Variants in ARB2A observed in about 807,000 individuals in gnomAD.
ARB2A encodes cotranscriptional regulator ARB2A.
At chr5:94,012,223 A>T in the ARB2A span, among the ~76,000 whole-genome samples, 1 of 152,096 alleles carries the variant, frequency 6.6e-6, no homozygotes, top group Admixed American at 6.6e-5. Context: ...TAACACGGTG[A>T]AACCCCGTCT....
chr5:93,639,604 G>A, the ARB2A span, among the ~76,000 whole-genome samples: 1 of 152,114 alleles, frequency 6.6e-6, no homozygotes, highest in Non-Finnish European at 1.5e-5. Flanking sequence ...ATATGTTATA[G>A]AAGTAGTAAA....
the ARB2A span, among the ~76,000 whole-genome samples, chr5:93,642,195 CTT>C: frequency 2.5e-4 from 35 of 137,706 alleles, no homozygotes; most frequent in Non-Finnish European, 2.2e-4. Flanking sequence ...GTTGCCTAGG[CTT>C]TTTTTTTTTT....
the ARB2A span, among the ~76,000 whole-genome samples, chr5:93,987,548 T>C: frequency 6.6e-6 from 1 of 152,186 alleles, no homozygotes; most frequent in African/African-American, 2.4e-5. Context: ...AAACCTCTTA[T>C]ACTTCATTCT....
At chr5:93,753,197 C>A in the ARB2A span, among the ~76,000 whole-genome samples, 2 of 152,192 alleles carry the variant, frequency 1.3e-5, no homozygotes, top group Non-Finnish European at 2.9e-5. Context: ...AACTTGTCTA[C>A]ACATTCTGAG....
At chr5:93,867,907 G>T in the ARB2A span, among the ~76,000 whole-genome samples, 1 of 151,622 alleles carries the variant, frequency 6.6e-6, no homozygotes, top group Admixed American at 6.6e-5. Context: ...ATATTACTGA[G>T]AATAAAATTA....
chr5:93,885,170 A>G, the ARB2A span, among the ~76,000 whole-genome samples: 1 of 151,610 alleles, frequency 6.6e-6, no homozygotes, highest in Non-Finnish European at 1.5e-5. Flanking sequence ...TAACTCAATC[A>G]GTACACAACA....
At chr5:93,794,915 C>A in the ARB2A span, among the ~76,000 whole-genome samples, 1 of 152,256 alleles carries the variant, frequency 6.6e-6, no homozygotes, top group Non-Finnish European at 1.5e-5. Flanking sequence ...CTTTCAAGAG[C>A]ACATCAGCTG....
the ARB2A span, among the ~76,000 whole-genome samples, chr5:94,105,485 A>G: frequency 4.0e-5 from 6 of 151,792 alleles, no homozygotes; most frequent in Non-Finnish European, 8.9e-5. Flanking sequence ...GAAATCGGAA[A>G]CAACACAAAT....
At chr5:93,901,807 T>TATAA in the ARB2A span, among the ~76,000 whole-genome samples, 1 of 152,150 alleles carries the variant, frequency 6.6e-6, no homozygotes, top group Non-Finnish European at 1.5e-5. Context: ...TTTACATTTC[T>TATAA]ATAAATAGGT....
the ARB2A span, chr5:93,741,138 G>A: frequency 2.5e-6 from 4 of 1,613,834 alleles, no homozygotes; most frequent in South Asian, 3.3e-5. Context: ...CGGCCTGCGA[G>A]TACCCTAGGC....
At chr5:93,800,522 GT>G in the ARB2A span, among the ~76,000 whole-genome samples, 1 of 151,826 alleles carries the variant, frequency 6.6e-6, no homozygotes, top group Non-Finnish European at 1.5e-5. Flanking sequence ...TAAAATAGTT[GT>G]CTATATTCCT....
chr5:93,877,004 GATAA>G, the ARB2A span, among the ~76,000 whole-genome samples: 1 of 152,096 alleles, frequency 6.6e-6, no homozygotes, highest in African/African-American at 2.4e-5. Context: ...ACAAATAATT[GATAA>G]ATATTTAAGC....
chr5:93,992,247 G>A, the ARB2A span, among the ~76,000 whole-genome samples: 3 of 152,024 alleles, frequency 2.0e-5, no homozygotes, highest in East Asian at 5.8e-4. Flanking sequence ...CCAGCAGACT[G>A]GTATGACAAA....
chr5:93,805,496 G>A, the ARB2A span: 2 of 985,110 alleles, frequency 2.0e-6, no homozygotes, highest in Non-Finnish European at 2.4e-6. Flanking sequence ...TGGAGAAGGT[G>A]TTCTTCCAGT....
chr5:93,627,418 C>T, the ARB2A span, among the ~76,000 whole-genome samples: 3 of 151,806 alleles, frequency 2.0e-5, no homozygotes, highest in Non-Finnish European at 4.4e-5. Context: ...ATCTCTGGCA[C>T]CTACAGCCTT....
the ARB2A span, among the ~76,000 whole-genome samples, chr5:94,030,130 G>A: frequency 6.6e-6 from 1 of 152,112 alleles, no homozygotes; most frequent in South Asian, 2.1e-4. Context: ...GGGAATAACG[G>A]GAGCTACACA....
the ARB2A span, among the ~76,000 whole-genome samples, chr5:93,689,677 C>T: frequency 1.3e-5 from 2 of 151,996 alleles, no homozygotes; most frequent in Non-Finnish European, 2.9e-5. Flanking sequence ...AAGTTTCACC[C>T]TAGAAAACTT....
At chr5:93,954,068 A>G in the ARB2A span, among the ~76,000 whole-genome samples, 3 of 152,096 alleles carry the variant, frequency 2.0e-5, no homozygotes, top group African/African-American at 7.2e-5. Context: ...ACTGCCCAAG[A>G]GTCAAGGCCT....
chr5:94,052,906 T>C, the ARB2A span, among the ~76,000 whole-genome samples: 1 of 152,088 alleles, frequency 6.6e-6, no homozygotes, highest in African/African-American at 2.4e-5. Flanking sequence ...CTACAGAAAA[T>C]TGTTACTTGT....
Sources: allele counts gnomAD v4.1 joint callset (sites outside exome capture counted in the v4.1 genomes callset), GRCh38; gene constraint gnomAD v4.1.1; transcripts MANE v1.5; gene names NCBI Gene and HGNC (gene_info 2026-07-23, HGNC 2026-07-21).